DYNC2H1: variants seen among roughly 807,000 people sequenced by gnomAD.
DYNC2H1 encodes the protein dynein cytoplasmic 2 heavy chain 1.
Under a neutral mutation model 570.0 loss-of-function variants are expected in DYNC2H1, and 410 were observed. That is an observed-to-expected ratio of 0.72 (90% CI 0.66 to 0.78). The LOEUF (loss-of-function observed/expected upper bound fraction) is 0.78. DYNC2H1 is among the 30% of genes least tolerant of loss of function. The pLI, the probability that DYNC2H1 is intolerant of heterozygous loss-of-function variation, is 0.00. For missense variants in DYNC2H1, 4,865 were observed against 5,046.4 expected (o/e 0.96, Z 1.09); for synonymous variants, 1,688 against 1,677.6 (o/e 1.01, Z -0.15).
At chr11:103,376,967 C>G (rs746981600) in intron 83 of DYNC2H1, among the ~76,000 whole-genome samples, 6 of 152,186 alleles carry the variant, frequency 3.9e-5, no homozygotes, top group Non-Finnish European at 7.3e-5. Context: ...TCCTGACCTG[C>G]AAGGTTTCTG....
chr11:103,316,987 T>C (rs937954940), intron 80 of DYNC2H1, among the ~76,000 whole-genome samples: 1 of 152,060 alleles, frequency 6.6e-6, no homozygotes, highest in Admixed American at 6.6e-5. Flanking sequence ...AATTACTAAG[T>C]AGGATTCAGG....
intron 83 of DYNC2H1, among the ~76,000 whole-genome samples, chr11:103,360,443 T>C (rs1591630106): frequency 1.3e-5 from 2 of 152,138 alleles, no homozygotes. Flanking sequence ...CCAGCAATGA[T>C]AGTATTCATG....
In DYNC2H1 at chr11:103,256,083, C is replaced by G; in HGVS notation, c.10327-23C>G. 1.9e-6 allele frequency: 3 copies of G among 1,563,752 alleles called. No individual in the cohort carries two copies. The highest frequency in any genetic ancestry group is 2.6e-6 in the Non-Finnish European group (3 of 1,151,196). ...TTATTTTTATATGTATAATAATATT[C>G]ATATTGTTAACTTTCCCTACAGACA... is the stretch of plus-strand genomic sequence containing the variant. On this transcript the variant is annotated intron_variant, in intron 67 of 88. Coordinates refer to ENST00000375735, the MANE Select transcript of DYNC2H1 (RefSeq NM_001377.3). The surrounding 1 kb of genome is among the most constrained non-coding windows in gnomAD (Gnocchi z 4.0).
chr11:103,235,620 A>C, intron 61 of DYNC2H1, 52 bp from the exon 62 acceptor site: 1 of 1,493,772 alleles, frequency 6.7e-7, no homozygotes, highest in South Asian at 1.5e-5. Context: ...ATTTTCTTTA[A>C]TGTTAGAACA....
chr11:103,113,138 T>G (rs976423805), intron 1 of DYNC2H1, among the ~76,000 whole-genome samples: 2 of 152,176 alleles, frequency 1.3e-5, no homozygotes, highest in African/African-American at 4.8e-5. Context: ...TTATAGACTT[T>G]CTGGGTTACT....
chr11:103,313,873 T>C (rs1262696445), intron 79 of DYNC2H1, among the ~76,000 whole-genome samples: 3 of 152,180 alleles, frequency 2.0e-5, no homozygotes, highest in Admixed American at 1.3e-4. Context: ...TCATTGATCA[T>C]AGTTAACTTG....
At chr11:103,191,028 AT>A (rs577789493) in intron 45 of DYNC2H1, among the ~76,000 whole-genome samples, 23 of 111,246 alleles carry the variant, frequency 2.1e-4, no homozygotes, top group South Asian at 5.6e-4. Context: ...ATATATATAT[AT>A]TTTTTTTCTT....
intron 84 of DYNC2H1, among the ~76,000 whole-genome samples, chr11:103,416,514 C>T (rs1045107756): frequency 2.6e-5 from 4 of 152,132 alleles, no homozygotes; most frequent in Admixed American, 6.5e-5. Context: ...CACATATCTA[C>T]AACCATCTGA....
intron 65 of DYNC2H1, among the ~76,000 whole-genome samples, chr11:103,246,731 A>G (rs1339750688): frequency 6.6e-6 from 1 of 151,912 alleles, no homozygotes; most frequent in African/African-American, 2.4e-5. Context: ...ATGAGTTGCC[A>G]TTTTTTCATC....
At chr11:103,417,022 A>G (rs574742258) in intron 84 of DYNC2H1, among the ~76,000 whole-genome samples, 6 of 152,336 alleles carry the variant, frequency 3.9e-5, no homozygotes, top group Middle Eastern at 3.4e-3. Flanking sequence ...AAACTTATGA[A>G]AAAAAGCTCA....
intron 87 of DYNC2H1, among the ~76,000 whole-genome samples, chr11:103,462,510 C>T (rs1945052224): frequency 6.6e-6 from 1 of 152,176 alleles, no homozygotes; most frequent in Non-Finnish European, 1.5e-5. Flanking sequence ...GCTTGGATAA[C>T]TACGGTTGCA....
intron 82 of DYNC2H1, among the ~76,000 whole-genome samples, chr11:103,356,989 A>C (rs1940376946): frequency 6.6e-6 from 1 of 152,176 alleles, no homozygotes; most frequent in African/African-American, 2.4e-5. Context: ...TGACTTAGGA[A>C]GATATATCTG....
At chr11:103,282,257 G>C in intron 72 of DYNC2H1, 28 bp downstream of exon 72, 1 of 1,599,474 alleles carries the variant, frequency 6.3e-7, no homozygotes, top group Non-Finnish European at 8.5e-7. Flanking sequence ...AATCTATTTT[G>C]CTCTTAAAGA....
At chr11:103,456,063 C>T (rs761044988) in intron 86 of DYNC2H1, among the ~76,000 whole-genome samples, 8 of 151,978 alleles carry the variant, frequency 5.3e-5, no homozygotes, top group Admixed American at 2.0e-4. Flanking sequence ...AGGCCTTATC[C>T]TTAAGGAACT....
intron 82 of DYNC2H1, among the ~76,000 whole-genome samples, chr11:103,348,475 A>T (rs894020970): frequency 6.6e-6 from 1 of 152,116 alleles, no homozygotes; most frequent in Non-Finnish European, 1.5e-5. Flanking sequence ...ATTCCCAGGC[A>T]ACCACTGATT....
At chr11:103,121,283 A>G in intron 9 of DYNC2H1, 89 bp from the exon 10 acceptor site, 1 of 1,394,732 alleles carries the variant, frequency 7.2e-7, no homozygotes, top group Non-Finnish European at 9.6e-7. Flanking sequence ...TTCTTTCTAC[A>G]GCATCTGACA....
chr11:103,353,328 C>T (rs528181291), intron 82 of DYNC2H1, among the ~76,000 whole-genome samples: 2 of 152,204 alleles, frequency 1.3e-5, no homozygotes, highest in Admixed American at 1.3e-4. Flanking sequence ...TGTCTGTTCT[C>T]CAGATATTGG....
In DYNC2H1 at chr11:103,120,564, T is replaced by C; in HGVS notation, c.1117T>C (p.Tyr373His). 1 of 1,612,758 alleles carries C rather than the reference T, an allele frequency of 6.2e-7. No individual in the cohort carries two copies. The highest frequency in any genetic ancestry group is 8.5e-7 in the Non-Finnish European group (1 of 1,179,268). The change falls in exon 7 of 89, where the codon TAT becomes CAT. Residue 373 changes from tyrosine to histidine, a missense_variant. Tyr to His is a moderately conservative substitution (Grantham distance 83). This residue lies in a region of DYNC2H1 where 1,936 missense variants were observed against 1,962.1 expected (regional missense o/e 0.99). Transcript: ENST00000375735. Reference sequence around the variant, plus strand: ...TTTTACTGGCCTGAATCCTGTGCAATATAATCCATATACTGAGGTTGTATA... The same window carrying C: ...TTTTACTGGCCTGAATCCTGTGCAACATAATCCATATACTGAGGTTGTATA... ...EPFTGLNPVQ[Y>H]NPYTEPLWKA...
Position 103,280,279 on chromosome 11 carries a change from T to C in DYNC2H1, c.10696-69T>C. The C allele has an allele frequency of 6.7e-7, 1 of 1,486,544 alleles. No individual in the cohort carries two copies. The highest frequency in any genetic ancestry group is 9.2e-7 in the Non-Finnish European group (1 of 1,092,672). 92.1% of individuals were successfully genotyped at this position (1,486,544 alleles called of 1,614,324 possible). ...GAATAGAGATTTTTGTGTGCCAAAT[T>C]TTAACGACTATGCTTTTCCAAAGAC... On this transcript the variant is annotated intron_variant, in intron 70 of 88. Coordinates refer to ENST00000375735, the MANE Select transcript of DYNC2H1 (RefSeq NM_001377.3). The surrounding 1 kb of genome is among the most constrained non-coding windows in gnomAD (Gnocchi z 4.7).
Sources: allele counts gnomAD v4.1 joint callset (sites outside exome capture counted in the v4.1 genomes callset), GRCh38; gene constraint gnomAD v4.1.1; regional missense constraint gnomAD v4.1.1; non-coding constraint Gnocchi (gnomAD v3.1); transcripts MANE v1.5; gene names NCBI Gene and HGNC (gene_info 2026-07-23, HGNC 2026-07-21).